ZZZ3: variants seen among roughly 807,000 people sequenced by gnomAD.
ZZZ3 encodes the protein zinc finger ZZ-type containing 3, also known as ZZ-type zinc finger-containing protein 3.
In ZZZ3, 22 loss-of-function variants were observed where a neutral mutation model predicts 95.2. That is an observed-to-expected ratio of 0.23 (90% CI 0.17 to 0.33). The LOEUF (loss-of-function observed/expected upper bound fraction) is 0.33, where lower values mean the gene tolerates loss of function less well. Ranked by LOEUF, ZZZ3 falls within the 10% of genes least tolerant of loss-of-function variation. ZZZ3 has a pLI of 1.00. For missense variants in ZZZ3, 885 were observed against 1,066.5 expected, an observed-to-expected ratio of 0.83 and a Z score of 2.37; for synonymous variants, 335 against 358.9, an observed-to-expected ratio of 0.93 and a Z score of 0.75.
At chr1:77,668,587 T>C (rs1303226906) in intron 1 of ZZZ3, among the ~76,000 whole-genome samples, 1 of 148,794 alleles carries the variant, frequency 6.7e-6, no homozygotes, top group Non-Finnish European at 1.5e-5. Flanking sequence ...CTTAAAATTA[T>C]AGAGCTCATA....
At chr1:77,617,080 G>A (rs1570517949) in intron 5 of ZZZ3, among the ~76,000 whole-genome samples, 1 of 152,004 alleles carries the variant, frequency 6.6e-6, no homozygotes, top group East Asian at 1.9e-4. Flanking sequence ...ATGATCTTGT[G>A]CATACCCTGG....
chr1:77,596,373 T>C (rs937646021), intron 5 of ZZZ3, among the ~76,000 whole-genome samples: 4 of 152,054 alleles, frequency 2.6e-5, no homozygotes, highest in African/African-American at 4.8e-5. Flanking sequence ...TGGAGGAGGA[T>C]TGCATACATG....
intron 1 of ZZZ3, among the ~76,000 whole-genome samples, chr1:77,649,767 A>T (rs1321354549): frequency 6.6e-6 from 1 of 151,852 alleles, no homozygotes; most frequent in Non-Finnish European, 1.5e-5. Context: ...CTGTAATACC[A>T]GCTACTCGGG....
chr1:77,648,348 C>CA (rs774444208), intron 1 of ZZZ3, among the ~76,000 whole-genome samples: 5,636 of 52,594 alleles, frequency 0.11, 223 homozygotes, highest in Middle Eastern at 0.19. Context: ...AATCTTGCCT[C>CA]AAAAAAAAAA....
chr1:77,639,399 A>G, intron 4 of ZZZ3, 50 bp downstream of exon 4: 1 of 1,428,362 alleles, frequency 7.0e-7, no homozygotes, highest in African/African-American at 1.5e-5. Context: ...AAAAAAGAAG[A>G]AGAAGTCAAA....
chr1:77,647,069 G>A (rs1024840707), intron 1 of ZZZ3, among the ~76,000 whole-genome samples: 1 of 152,154 alleles, frequency 6.6e-6, no homozygotes, highest in Non-Finnish European at 1.5e-5. Context: ...TAACTGAAGG[G>A]TAAGTAGTAT....
rs183396379 is a variant in ZZZ3 at position 77,583,141 on chromosome 1, G to A, written c.1645-1015C>T. Reference sequence around the variant, plus strand: ...AGAAAAAAGAAAGAAATGAAAGTCCGTTCTAAACTAAACCTGAAAGTGAAG... The same window carrying A: ...AGAAAAAAGAAAGAAATGAAAGTCCATTCTAAACTAAACCTGAAAGTGAAG... On this transcript the variant is annotated intron_variant, in intron 6 of 14. Coordinates refer to ENST00000370801, the MANE Select transcript of ZZZ3 (RefSeq NM_015534.6). Among the ~76,000 whole-genome samples the A allele has an allele frequency of 9.9e-5, 15 of 151,676 alleles. No individual in the cohort carries two copies. In the East Asian group the frequency reaches 1.4e-3, roughly 14 times the overall value.
At chr1:77,596,143 G>A (rs144879777) in intron 5 of ZZZ3, among the ~76,000 whole-genome samples, 1 of 152,218 alleles carries the variant, frequency 6.6e-6, no homozygotes, top group East Asian at 1.9e-4. Context: ...ATCAAAGGAT[G>A]CTGCAGAGAG....
At chr1:77,585,336 C>T (rs568504986) in intron 5 of ZZZ3, among the ~76,000 whole-genome samples, 2 of 152,086 alleles carry the variant, frequency 1.3e-5, no homozygotes, top group Non-Finnish European at 2.9e-5. Context: ...ATAGTTTTAC[C>T]CACACAAATA....
At chr1:77,610,674 C>T (rs970650580) in intron 5 of ZZZ3, among the ~76,000 whole-genome samples, 17 of 151,394 alleles carry the variant, frequency 1.1e-4, no homozygotes, top group East Asian at 3.9e-4. Flanking sequence ...CAAATCAATG[C>T]GATACATCAT....
chr1:77,583,199 G>A (rs771465825), intron 6 of ZZZ3, among the ~76,000 whole-genome samples: 11 of 152,076 alleles, frequency 7.2e-5, no homozygotes, highest in Non-Finnish European at 1.6e-4. Context: ...TGCAAATCTA[G>A]TAAATATGCC....
Position 77,581,016 on chromosome 1 carries a change from C to T in ZZZ3, c.1962G>A (p.Leu654=), listed in dbSNP as rs765100234. The change falls in exon 9 of 15, where the codon TTG becomes TTA. Residue 654 remains leucine (L), a synonymous_variant. Transcript: ENST00000370801. ...TTATTACCTGTTCTTCAACAGTCCA[C>T]AACTGGTTAAATGTTTCAGGTTTGG... is the stretch of plus-strand genomic sequence containing the variant. ...DDTKPETFNQ[L]WTVEEQKKLE... 1 of 1,614,022 alleles carries T rather than the reference C, an allele frequency of 6.2e-7. No individual in the cohort carries two copies. Among genetic ancestry groups the T allele is most frequent in the Non-Finnish European group, 8.5e-7 (1 of 1,179,888 alleles).
At chr1:77,661,655 A>C (rs1670799328) in intron 1 of ZZZ3, among the ~76,000 whole-genome samples, 1 of 152,146 alleles carries the variant, frequency 6.6e-6, no homozygotes, top group Admixed American at 6.5e-5. Flanking sequence ...TGAAAGAAAA[A>C]GGCACACCAA....
intron 4 of ZZZ3, among the ~76,000 whole-genome samples, 158 bp from the exon 5 acceptor site, chr1:77,633,563 T>G (rs780949599): frequency 2.6e-5 from 4 of 152,220 alleles, no homozygotes; most frequent in Non-Finnish European, 5.9e-5. Flanking sequence ...TAAAAATTCT[T>G]TAACGTTTCC....
intron 5 of ZZZ3, among the ~76,000 whole-genome samples, chr1:77,605,387 T>C (rs1274332985): frequency 6.6e-6 from 1 of 152,150 alleles, no homozygotes; most frequent in Non-Finnish European, 1.5e-5. Flanking sequence ...ACTAAAGTGC[T>C]CTAGAGCATT....
intron 5 of ZZZ3, among the ~76,000 whole-genome samples, chr1:77,614,596 T>C (rs1001785484): frequency 6.6e-6 from 1 of 152,146 alleles, no homozygotes; most frequent in Non-Finnish European, 1.5e-5. Flanking sequence ...ATGTAAAACA[T>C]GAAAAGAAAT....
rs564069056 is a variant in ZZZ3 at position 77,657,275 on chromosome 1, C to A, written c.-402-15620G>T. On this transcript the variant is annotated intron_variant, in intron 1 of 14. Transcript: ENST00000370801. ...AGGATTACAGGCGTGAGCCACCGCA[C>A]CCAGCCTAAAAACACTTTTATATTG... is the stretch of plus-strand genomic sequence containing the variant. 8.5e-5 allele frequency among the ~76,000 whole-genome samples: 13 copies of A among 152,348 alleles called. No homozygotes were observed. The South Asian group carries it at 2.7e-3, about 32-fold the overall frequency.
chr1:77,568,575 A>T (rs1199808966), intron 12 of ZZZ3, 109 bp from the exon 13 acceptor site: 1 of 634,586 alleles, frequency 1.6e-6, no homozygotes, highest in Non-Finnish European at 2.5e-6. Context: ...CATTTTTAAA[A>T]TATCTCTTAG....
At chr1:77,669,240 CTATAGATAT>C (rs1671522376) in intron 1 of ZZZ3, among the ~76,000 whole-genome samples, 1 of 152,130 alleles carries the variant, frequency 6.6e-6, no homozygotes, top group Non-Finnish European at 1.5e-5. Flanking sequence ...CATCATGGAA[CTATAGATAT>C]CAAGTTTCTC....
Sources: gnomAD v4.1 joint callset for allele counts (sites outside exome capture counted in the v4.1 genomes callset) on GRCh38, gnomAD v4.1.1 for gene constraint, MANE v1.5 for transcripts, NCBI Gene and HGNC (gene_info 2026-07-23, HGNC 2026-07-21) for gene names.